PLXNA4: variants seen among roughly 807,000 people sequenced by gnomAD.
PLXNA4 encodes the protein plexin-A4.
In PLXNA4, 44 loss-of-function variants were observed where a neutral mutation model predicts 191.8. The observed-to-expected ratio is 0.23, with a 90% CI of 0.18 to 0.29. The LOEUF is 0.29. Ranked by LOEUF, PLXNA4 falls within the 10% of genes least tolerant of loss-of-function variation. PLXNA4 has a pLI of 1.00. For synonymous variants in PLXNA4, 1,082 were observed against 1,009.5 expected, an observed-to-expected ratio of 1.07 and a Z score of -1.36; for missense variants, 1,800 against 2,488.8, an observed-to-expected ratio of 0.72 and a Z score of 5.89.
At chr7:132,421,686 A>G (rs1301388159) in intron 3 of PLXNA4, among the ~76,000 whole-genome samples, 1 of 152,154 alleles carries the variant, frequency 6.6e-6, no homozygotes, top group Non-Finnish European at 1.5e-5. Flanking sequence ...ATCAAACACA[A>G]AACTTACAAC....
intron 5 of PLXNA4, among the ~76,000 whole-genome samples, chr7:132,234,422 T>C (rs1798626913): frequency 6.6e-6 from 1 of 152,160 alleles, no homozygotes; most frequent in Non-Finnish European, 1.5e-5. Context: ...AATATGGGTG[T>C]GTATGTCTGG....
rs796146662 is a variant in PLXNA4 at position 132,548,697 on chromosome 7, T to C, written c.-87+27725A>G. Among the ~76,000 whole-genome samples, 8 of 152,272 alleles carry C rather than the reference T, an allele frequency of 5.3e-5. 1 individual carries two copies. Among genetic ancestry groups the C allele is most frequent in the African/African-American group, 1.9e-4 (8 of 41,564 alleles). On this transcript the variant is annotated intron_variant, in intron 1 of 31. Transcript: ENST00000321063. The stretch of plus-strand genomic sequence containing the variant: ...AAGTGTTTGAACCAGAGTGACTCCA[T>C]CTTGAATAGGGGATGGGTAAAATGA...
chr7:132,371,255 A>G (rs1160346388), intron 3 of PLXNA4, among the ~76,000 whole-genome samples: 1 of 152,148 alleles, frequency 6.6e-6, no homozygotes, highest in African/African-American at 2.4e-5. Context: ...AGAGAAAAGA[A>G]TATGGGAAGT....
In PLXNA4 at chr7:132,507,799, C is replaced by T; in HGVS notation, c.895G>A (p.Gly299Ser). The T allele has an allele frequency of 6.2e-7, 1 of 1,614,168 alleles. No homozygotes were observed. The highest frequency in any genetic ancestry group is 8.5e-7 in the Non-Finnish European group (1 of 1,180,046). Residue 299 changes from glycine to serine, a missense_variant, in exon 2 of 32, where the codon GGC becomes AGC. By Grantham distance (56) the Gly-to-Ser change is moderately conservative. This residue lies in a region of PLXNA4 where 1,397 missense variants were observed against 1,880.4 expected (regional missense o/e 0.74). Coordinates refer to ENST00000321063, the MANE Select transcript of PLXNA4 (RefSeq NM_020911.2). ...AFNSYVEVPI[G>S]CERSGVEYRL... ...TACTCCACCCCACTGCGCTCACAGC[C>T]AATGGGCACCTCTACATAGGAGTTG...
chr7:132,134,799 C>T (rs73497343), intron 30 of PLXNA4, among the ~76,000 whole-genome samples: 18,417 of 152,068 alleles, frequency 0.12, 2,157 homozygotes, highest in African/African-American at 0.3. Flanking sequence ...CATCTTCTTC[C>T]ATTCCCCGCC....
intron 3 of PLXNA4, among the ~76,000 whole-genome samples, chr7:132,308,944 A>T (rs1049687353): frequency 2.0e-5 from 3 of 152,106 alleles, no homozygotes; most frequent in Non-Finnish European, 4.4e-5. Flanking sequence ...TGTGGCCTGC[A>T]GATTGGACTC....
chr7:132,627,402 T>C (rs1299767106), intron 2 of PLXNA4, among the ~76,000 whole-genome samples: 1 of 152,220 alleles, frequency 6.6e-6, no homozygotes, highest in Non-Finnish European at 1.5e-5. Flanking sequence ...CTATATAACA[T>C]TATTCACAGC....
At chr7:132,578,032 C>T (rs1414223298), upstream of PLXNA4, among the ~76,000 whole-genome samples, 1 of 152,184 alleles carries the variant, frequency 6.6e-6, no homozygotes, top group African/African-American at 2.4e-5. Flanking sequence ...ACCCTAGATC[C>T]TAGACTACAT....
intron 30 of PLXNA4, among the ~76,000 whole-genome samples, chr7:132,140,092 G>A (rs1795223379): frequency 6.6e-6 from 1 of 152,212 alleles, no homozygotes; most frequent in East Asian, 1.9e-4. Flanking sequence ...GGCATTAAGA[G>A]CTCATGCAAG....
At chr7:132,645,976 A>T (rs1292035635) in exon 2 of PLXNA4, 1 of 150,782 alleles carries the variant, frequency 6.6e-6, no homozygotes, top group African/African-American at 2.5e-5. Flanking sequence ...GGGGTCATGG[A>T]CATTTGCATT....
At chr7:132,316,588 A>T (rs770003833) in intron 3 of PLXNA4, among the ~76,000 whole-genome samples, 5 of 152,196 alleles carry the variant, frequency 3.3e-5, no homozygotes, top group Non-Finnish European at 5.9e-5. Context: ...ACATCATTTC[A>T]GTGTGTCCTC....
intron 9 of PLXNA4, among the ~76,000 whole-genome samples, chr7:132,219,626 G>T (rs1432435557): frequency 6.6e-6 from 1 of 152,050 alleles, no homozygotes; most frequent in Non-Finnish European, 1.5e-5. Flanking sequence ...GTGTCTGGGG[G>T]CTTCCACAAA....
At chr7:132,172,767 A>AATAATAAT (rs1000548645) in intron 21 of PLXNA4, among the ~76,000 whole-genome samples, 1 of 151,168 alleles carries the variant, frequency 6.6e-6, no homozygotes, top group African/African-American at 2.4e-5. Context: ...GTATAATAAT[A>AATAATAAT]ATAATAATAA....
chr7:132,252,205 G>A (rs1799273926), intron 4 of PLXNA4, among the ~76,000 whole-genome samples: 1 of 149,404 alleles, frequency 6.7e-6, no homozygotes, highest in African/African-American at 2.5e-5. Flanking sequence ...CAGGCAAAAT[G>A]TATCTTCTTC....
intron 21 of PLXNA4, among the ~76,000 whole-genome samples, chr7:132,170,764 A>G (rs1325470320): frequency 3.3e-5 from 5 of 152,232 alleles, no homozygotes; most frequent in South Asian, 2.1e-4. Context: ...TGAAACCTCC[A>G]ACTAGCCCGT....
chr7:132,367,085 A>G (rs1804216917), intron 3 of PLXNA4, among the ~76,000 whole-genome samples: 1 of 152,230 alleles, frequency 6.6e-6, no homozygotes. Context: ...AGAGCTTCAA[A>G]TAAGCTAAGA....
At chr7:132,316,197 C>A (rs887461929) in intron 3 of PLXNA4, among the ~76,000 whole-genome samples, 3 of 152,224 alleles carry the variant, frequency 2.0e-5, no homozygotes, top group African/African-American at 7.2e-5. Flanking sequence ...GCGACTCTAT[C>A]ACCATAAGCC....
rs746681807 is a variant in PLXNA4 at position 132,508,313 on chromosome 7, C to T, written c.381G>A (p.Leu127=). The change falls in exon 2 of 32, where the codon CTG becomes CTA. Residue 127 remains leucine, a synonymous_variant. Coordinates refer to ENST00000321063, the MANE Select transcript of PLXNA4 (RefSeq NM_020911.2). This position sits in a 1 kb window ranked among gnomAD's most constrained non-coding sequence, Gnocchi z 4.4. ...CTTGGTACAGGCTCCCACAGGCAAT[C>T]AGCCTGTTCTCCTTGTAGTCTATGA... ...MLLIDYKENR[L]IACGSLYQGI... The T allele has an allele frequency of 6.2e-7, 1 of 1,614,082 alleles. No homozygotes were observed. The highest frequency in any genetic ancestry group is 8.5e-7 in the Non-Finnish European group (1 of 1,180,054).
intron 2 of PLXNA4, among the ~76,000 whole-genome samples, chr7:132,636,773 CT>C (rs1161473279): frequency 6.6e-6 from 1 of 152,178 alleles, no homozygotes. Flanking sequence ...GTTCTCTGAG[CT>C]TCATTCTCTT....
Sources: gnomAD v4.1 joint callset for allele counts (sites outside exome capture counted in the v4.1 genomes callset) on GRCh38, gnomAD v4.1.1 for gene constraint, gnomAD v4.1.1 regional missense constraint, Gnocchi (gnomAD v3.1) non-coding constraint, MANE v1.5 for transcripts, NCBI Gene and HGNC (gene_info 2026-07-23, HGNC 2026-07-21) for gene names.